SCRN1: variants seen among roughly 807,000 people sequenced by gnomAD.
SCRN1 encodes secernin-1.
In SCRN1, 19 loss-of-function variants were observed where a neutral mutation model predicts 43.3. That is an observed-to-expected ratio of 0.44 (90% CI 0.31 to 0.64). SCRN1 has a LOEUF of 0.64. Ranked by LOEUF, SCRN1 falls within the 30% of genes least tolerant of loss-of-function variation. The pLI is 0.09. For missense variants in SCRN1, 447 were observed against 524.1 expected (o/e 0.85, Z 1.44); for synonymous variants, 183 against 188.9 (o/e 0.97, Z 0.26).
rs577626102 is a variant in SCRN1 at position 29,922,674 on chromosome 7, T to A, written c.*1283A>T. 3.3e-4 allele frequency: 50 copies of A among 152,266 alleles called. No homozygotes were observed. The highest frequency in any genetic ancestry group is 1.2e-3 in the African/African-American group (50 of 41,516). The allele number at this position is 152,266 out of a possible 1,614,324, so 9.4% of individuals were successfully genotyped here. The stretch of plus-strand genomic sequence containing the variant: ...GAATGAAGGCAGCTCCTGGGACATG[T>A]GAGGTGTGAGGAGTGGGGGGAAGAT... On this transcript the variant is annotated 3_prime_UTR_variant, in exon 8 of 8. Transcript: ENST00000242059.
chr7:29,980,223 G>A (rs570826993), intron 1 of SCRN1, among the ~76,000 whole-genome samples: 2 of 152,310 alleles, frequency 1.3e-5, no homozygotes, highest in South Asian at 2.1e-4. Context: ...GGGATGTAAT[G>A]ATGATGGACA....
intron 3 of SCRN1, among the ~76,000 whole-genome samples, chr7:29,954,786 T>C (rs1378592363): frequency 6.6e-6 from 1 of 152,204 alleles, no homozygotes; most frequent in East Asian, 1.9e-4. Context: ...GTTCCAGCAA[T>C]TCTCCTGTCT....
chr7:29,964,501 G>A (rs1452727464), intron 2 of SCRN1, among the ~76,000 whole-genome samples: 2 of 151,892 alleles, frequency 1.3e-5, no homozygotes, highest in East Asian at 1.9e-4. Context: ...GATTTCTGGG[G>A]GCTAGGGTGG....
At chr7:29,940,656 G>A (rs1466034888) in intron 5 of SCRN1, 26 bp downstream of exon 5, 6 of 1,566,978 alleles carry the variant, frequency 3.8e-6, no homozygotes. Context: ...ATGAGAAGGA[G>A]AATCGTGAGG....
intron 2 of SCRN1, among the ~76,000 whole-genome samples, chr7:29,958,215 T>A (rs1356929638): frequency 6.6e-6 from 1 of 152,218 alleles, no homozygotes; most frequent in Admixed American, 6.5e-5. Context: ...ATGACAGCCA[T>A]TCACACCTGC....
At chr7:29,956,418 C>CAGTG (rs1224103678) in intron 2 of SCRN1, among the ~76,000 whole-genome samples, 2 of 152,228 alleles carry the variant, frequency 1.3e-5, no homozygotes, top group Non-Finnish European at 1.5e-5. Context: ...CTAAGTTACA[C>CAGTG]AGTGCTCTGG....
rs1416340306 is a variant in SCRN1 at position 29,922,068 on chromosome 7, C to T, written c.*1889G>A. Reference sequence around the variant, plus strand: ...CCCCCCCTTAACAGTGATAGAAAGACACTTTTAGAATAGCCGCCCCACCTA... The same window carrying T: ...CCCCCCCTTAACAGTGATAGAAAGATACTTTTAGAATAGCCGCCCCACCTA... On this transcript the variant is annotated 3_prime_UTR_variant, in exon 8 of 8. Coordinates refer to ENST00000242059, the MANE Select transcript of SCRN1 (RefSeq NM_014766.5). The T allele has an allele frequency of 1.3e-5, 2 of 152,022 alleles. No homozygotes were observed. The highest frequency in any genetic ancestry group is 4.8e-5 in the African/African-American group (2 of 41,352). The allele number at this position is 152,022 out of a possible 1,614,324, so 9.4% of individuals were successfully genotyped here. A position where few individuals can be genotyped will look rare whatever the true frequency, so the allele number is the denominator to read the frequency against.
At chr7:29,943,894 A>C (rs896863031) in intron 4 of SCRN1, 83 bp downstream of exon 4, 4 of 1,288,746 alleles carry the variant, frequency 3.1e-6, no homozygotes, top group African/African-American at 1.5e-5. Flanking sequence ...TCTTTCTTCC[A>C]GGTCTGACAC....
In SCRN1 at chr7:29,964,104, A is replaced by G. The variant is rs191237896; in HGVS notation, c.159+4805T>C. 3.4e-3 allele frequency among the ~76,000 whole-genome samples: 517 copies of G among 152,338 alleles called. 5 individuals carry two copies. The highest frequency in any genetic ancestry group is 0.011 in the South Asian group (51 of 4,828). ...CTGTGAACCTTTTAAATATCATTCA[A>G]TCTTTGAACCACATAAATATATGAT... On this transcript the variant is annotated intron_variant, in intron 2 of 7. Coordinates refer to ENST00000242059, the MANE Select transcript of SCRN1 (RefSeq NM_014766.5).
chr7:29,950,373 G>A lies in SCRN1; in HGVS notation c.341+4806C>T, dbSNP rs1359828016. Among the ~76,000 whole-genome samples, 1 of 152,216 alleles carries A rather than the reference G, an allele frequency of 6.6e-6. No homozygotes were observed. Among genetic ancestry groups the A allele is most frequent in the Non-Finnish European group, 1.5e-5 (1 of 68,038 alleles). On this transcript the variant is annotated intron_variant, in intron 3 of 7. Transcript: ENST00000242059. The surrounding 1 kb of genome is among the most constrained non-coding windows in gnomAD (Gnocchi z 4.5). ...ACAGGAGGGAGGCTGGGAGGGCTGAGGGCAGCTCAGTGTGGGCCTGCCAGT... is the reference window on the plus strand; with the variant it reads ...ACAGGAGGGAGGCTGGGAGGGCTGAAGGCAGCTCAGTGTGGGCCTGCCAGT...
intron 2 of SCRN1, among the ~76,000 whole-genome samples, chr7:29,957,616 T>C (rs1788176024): frequency 6.6e-6 from 1 of 152,212 alleles, no homozygotes; most frequent in Non-Finnish European, 1.5e-5. Flanking sequence ...AATAAGCCTT[T>C]TGTTGGATCG....
At chr7:29,979,696 G>T (rs1788942073) in intron 1 of SCRN1, among the ~76,000 whole-genome samples, 1 of 152,166 alleles carries the variant, frequency 6.6e-6, no homozygotes, top group Non-Finnish European at 1.5e-5. Flanking sequence ...CATCTATCAT[G>T]TAAGAACTCT....
At chr7:29,968,271 T>C (rs1165994659) in intron 2 of SCRN1, among the ~76,000 whole-genome samples, 1 of 152,122 alleles carries the variant, frequency 6.6e-6, no homozygotes, top group African/African-American at 2.4e-5. Flanking sequence ...GATACATCCA[T>C]AGAATGAAAC....
Position 29,922,178 on chromosome 7 carries a change from T to C in SCRN1, c.*1779A>G, listed in dbSNP as rs1786791128. The C allele has an allele frequency of 6.6e-6, 1 of 152,212 alleles. No individual in the cohort carries two copies. Among genetic ancestry groups the C allele is most frequent in the African/African-American group, 2.4e-5 (1 of 41,456 alleles). The allele number at this position is 152,212 out of a possible 1,614,324, so 9.4% of individuals were successfully genotyped here. A position where few individuals can be genotyped will look rare whatever the true frequency, so the allele number is the denominator to read the frequency against. On this transcript the variant is annotated 3_prime_UTR_variant, in exon 8 of 8. Transcript: ENST00000242059. Reference sequence around the variant, plus strand: ...AGCAGCTACAGGCCACCATTATTGGTTGCCATTAACTCTGTCAGCTGAAAT... The same window carrying C: ...AGCAGCTACAGGCCACCATTATTGGCTGCCATTAACTCTGTCAGCTGAAAT...
chr7:29,977,992 G>C (rs963089110), intron 1 of SCRN1, among the ~76,000 whole-genome samples: 1 of 152,196 alleles, frequency 6.6e-6, no homozygotes, highest in African/African-American at 2.4e-5. Flanking sequence ...AACTTTCCTT[G>C]AAGTGTCTAA....
chr7:29,964,855 T>C (rs1421034667), intron 2 of SCRN1, among the ~76,000 whole-genome samples: 3 of 152,114 alleles, frequency 2.0e-5, no homozygotes, highest in East Asian at 1.9e-4. Context: ...AGCAAGAGCA[T>C]CGCTTGAACC....
At chr7:29,988,536 T>A (rs1377814267) in intron 1 of SCRN1, 1 of 152,448 alleles carries the variant, frequency 6.6e-6, no homozygotes, top group Non-Finnish European at 1.5e-5. Context: ...ATGGTTGTGG[T>A]CTGTGCTGCT....
At chr7:29,946,872 C>T (rs1787754738) in intron 3 of SCRN1, among the ~76,000 whole-genome samples, 2 of 152,228 alleles carry the variant, frequency 1.3e-5, no homozygotes. Context: ...CTGAGAAATG[C>T]AGATGAATCC....
intron 1 of SCRN1, among the ~76,000 whole-genome samples, chr7:29,978,590 CAG>C (rs561836866): frequency 9.4e-4 from 143 of 152,288 alleles, no homozygotes; most frequent in African/African-American, 3.4e-3. Context: ...AACTCTGAGC[CAG>C]AGTTTCCTCA....
Sources: gnomAD v4.1 joint callset for allele counts (sites outside exome capture counted in the v4.1 genomes callset) on GRCh38, gnomAD v4.1.1 for gene constraint, Gnocchi (gnomAD v3.1) non-coding constraint, MANE v1.5 for transcripts, NCBI Gene and HGNC (gene_info 2026-07-23, HGNC 2026-07-21) for gene names.